The following ERO1A variants were observed in gnomAD, a reference collection of about 807,000 sequenced individuals.
The protein encoded by ERO1A is ERO1-like protein alpha.
In ERO1A, 49 loss-of-function variants were observed where a neutral mutation model predicts 76.9. The ratio of observed to expected loss-of-function variants is 0.64; its 90% CI spans 0.51 to 0.81. ERO1A has a LOEUF of 0.81. Among genes scored for constraint, ERO1A ranks in the 30% least tolerant of loss-of-function variants. The pLI is 0.00. For synonymous variants in ERO1A, 174 were observed against 181.2 expected (o/e 0.96, Z 0.32); for missense variants, 448 against 542.1 (o/e 0.83, Z 1.72).
intron 6 of ERO1A, among the ~76,000 whole-genome samples, chr14:52,667,431 G>A (rs948985519): frequency 3.3e-5 from 5 of 151,932 alleles, no homozygotes; most frequent in African/African-American, 7.3e-5. Flanking sequence ...AAAGATGGTC[G>A]GTCCCAGGGT....
intron 15 of ERO1A, among the ~76,000 whole-genome samples, chr14:52,645,302 CTT>C (rs35036293): frequency 0.011 from 1,393 of 130,302 alleles, 16 homozygotes; most frequent in African/African-American, 0.036. Flanking sequence ...CATATACACA[CTT>C]TTTTTTTTTT....
intron 8 of ERO1A, 104 bp from the exon 9 acceptor site, chr14:52,661,408 G>T (rs2040229655): frequency 1.2e-6 from 1 of 855,712 alleles, no homozygotes; most frequent in Non-Finnish European, 1.7e-6. Flanking sequence ...GTTAGTTTTA[G>T]TCCAACAGTT....
intron 1 of ERO1A, 29 bp from the exon 2 acceptor site, chr14:52,683,936 T>G (rs200053145): frequency 1.9e-6 from 3 of 1,541,612 alleles, no homozygotes; most frequent in Non-Finnish European, 2.6e-6. Flanking sequence ...AATATTAAAT[T>G]GAAATGTCCT....
chr14:52,672,783 A>G (rs903259735), intron 4 of ERO1A, among the ~76,000 whole-genome samples: 2 of 150,672 alleles, frequency 1.3e-5, no homozygotes, highest in Non-Finnish European at 3.0e-5. Flanking sequence ...GACCAAAAAA[A>G]AAAAAAAAAA....
At chr14:52,645,885 A>G (rs567732303) in intron 15 of ERO1A, among the ~76,000 whole-genome samples, 5 of 135,496 alleles carry the variant, frequency 3.7e-5, no homozygotes, top group South Asian at 2.4e-4. Context: ...CACACACACA[A>G]ATTAGCCAGG....
At chr14:52,668,205 C>G (rs1338588239) in intron 6 of ERO1A, among the ~76,000 whole-genome samples, 1 of 152,138 alleles carries the variant, frequency 6.6e-6, no homozygotes, top group Admixed American at 6.5e-5. Flanking sequence ...GCAAGTGCCA[C>G]ATATAAATTA....
At chr14:52,658,046 A>T in intron 10 of ERO1A, 37 bp from the exon 11 acceptor site, 2 of 1,526,982 alleles carry the variant, frequency 1.3e-6, no homozygotes, top group Non-Finnish European at 1.8e-6. Context: ...AAAATTTCAT[A>T]TGTGAATCTT....
chr14:52,666,575 G>A, intron 6 of ERO1A, 80 bp from the exon 7 acceptor site: 1 of 1,246,338 alleles, frequency 8.0e-7, no homozygotes, highest in Non-Finnish European at 1.1e-6. Flanking sequence ...GTATTCCATT[G>A]ATTCTAACGC....
At position 52,671,937 on chromosome 14, in the gene ERO1A, G is replaced by T. The variant is rs1030739223; in HGVS notation, c.358-66C>A. 4.0e-6 allele frequency: 4 copies of T among 1,012,268 alleles called. No individual in the cohort carries two copies. In the African/African-American group the frequency reaches 6.6e-5, roughly 17 times the overall value. 62.7% of individuals were successfully genotyped at this position (1,012,268 alleles called of 1,614,324 possible). ...ATTTTTAAAACTTGTTTAAAATTTA[G>T]AAGTTATCTGAAGCTCTTTTTATTT... On this transcript the variant is annotated intron_variant, in intron 4 of 15. Transcript: ENST00000395686.
At chr14:52,647,867 T>C (rs1024128249) in intron 13 of ERO1A, among the ~76,000 whole-genome samples, 2 of 152,096 alleles carry the variant, frequency 1.3e-5, no homozygotes, top group Non-Finnish European at 2.9e-5. Flanking sequence ...GAGCACACAG[T>C]ATTTCTCTTA....
Position 52,671,835 on chromosome 14 carries a change from C to T in ERO1A, c.394G>A (p.Glu132Lys), listed in dbSNP as rs1355266671. Reference sequence around the variant, plus strand: ...ACTGCTCCAAGTCGTTCAGCTTGTTCACATTCTTCAATGAGATTATTGGCT... The same window carrying T: ...ACTGCTCCAAGTCGTTCAGCTTGTTTACATTCTTCAATGAGATTATTGGCT... Reference protein sequence around the residue: ...EEANNLIEECEQAERLGAVDE... With the variant: ...EEANNLIEECKQAERLGAVDE... The change falls in exon 5 of 16, where the codon GAA (glutamate) becomes AAA (lysine). Residue 132 changes from glutamate to lysine, a missense_variant. This residue lies in a region of ERO1A where 302 missense variants were observed against 411.9 expected (regional missense o/e 0.73). Transcript: ENST00000395686. The T allele has an allele frequency of 6.2e-7, 1 of 1,608,176 alleles. No individual in the cohort carries two copies. Among genetic ancestry groups the T allele is most frequent in the East Asian group, 2.2e-5 (1 of 44,660 alleles).
At chr14:52,664,894 C>T (rs1235756683) in intron 7 of ERO1A, among the ~76,000 whole-genome samples, 2 of 151,812 alleles carry the variant, frequency 1.3e-5, no homozygotes, top group African/African-American at 2.4e-5. Flanking sequence ...GGTTTCACCG[C>T]GTTAGTGAGG....
chr14:52,652,196 T>G, intron 13 of ERO1A, 43 bp downstream of exon 13: 1 of 1,162,708 alleles, frequency 8.6e-7, no homozygotes, highest in Non-Finnish European at 1.3e-6. Flanking sequence ...TCTGCATAAG[T>G]GTTAATCAGT....
chr14:52,659,845 A>AG (rs1268146239), intron 9 of ERO1A, among the ~76,000 whole-genome samples: 1 of 151,128 alleles, frequency 6.6e-6, no homozygotes, highest in Non-Finnish European at 1.5e-5. Context: ...AAAAAAAAAA[A>AG]AAAGAAAAAA....
chr14:52,672,794 CA>C (rs2040651370), intron 4 of ERO1A, among the ~76,000 whole-genome samples: 2 of 133,006 alleles, frequency 1.5e-5, no homozygotes, highest in South Asian at 4.7e-4. Context: ...AAAAAAAAAA[CA>C]AAAAACAAAC....
chr14:52,666,543 TA>T, intron 6 of ERO1A, 48 bp from the exon 7 acceptor site: 1 of 1,525,108 alleles, frequency 6.6e-7, no homozygotes, highest in Non-Finnish European at 8.9e-7. Flanking sequence ...TCAGTTACCT[TA>T]AAAAGCTACT....
chr14:52,655,990 T>C (rs2040030544), intron 11 of ERO1A, among the ~76,000 whole-genome samples: 1 of 152,252 alleles, frequency 6.6e-6, no homozygotes, highest in African/African-American at 2.4e-5. Flanking sequence ...AGTTAACATT[T>C]CTGTGGCAAG....
At chr14:52,695,336 G>C in intron 1 of ERO1A, 32 bp downstream of exon 1, 2 of 1,354,156 alleles carry the variant, frequency 1.5e-6, no homozygotes, top group Non-Finnish European at 1.9e-6. Context: ...GAGGGCGCCG[G>C]GACCCTCAGC....
chr14:52,664,769 G>A (rs552049608), intron 7 of ERO1A, among the ~76,000 whole-genome samples: 1 of 152,044 alleles, frequency 6.6e-6, no homozygotes, highest in East Asian at 2.0e-4. Context: ...TGGGCTCACT[G>A]CAAGCTCCGC....
Sources: allele counts gnomAD v4.1 joint callset (sites outside exome capture counted in the v4.1 genomes callset), GRCh38; gene constraint gnomAD v4.1.1; regional missense constraint gnomAD v4.1.1; transcripts MANE v1.5; gene names NCBI Gene and HGNC (gene_info 2026-07-23, HGNC 2026-07-21).